Variants in SPAG16 observed in about 807,000 individuals in gnomAD.
SPAG16 encodes sperm-associated antigen 16 protein.
Under a neutral mutation model 80.4 loss-of-function variants are expected in SPAG16, and 86 were observed. That is an observed-to-expected ratio of 1.07 (90% CI 0.90 to 1.28). SPAG16 has a LOEUF of 1.28. Among genes scored for constraint, SPAG16 ranks in the 50% most tolerant of loss-of-function variants. The pLI, the probability that SPAG16 is intolerant of heterozygous loss-of-function variation, is 0.00. For missense variants in SPAG16, 870 were observed against 765.3 expected (o/e 1.14, Z -1.61); for synonymous variants, 294 against 265.9 (o/e 1.11, Z -1.03).
chr2:213,297,111 C>A lies in SPAG16; in HGVS notation c.184-151C>A, dbSNP rs550068642. ...AGGAAGTCAGAAGAAAGCAGTTATTCATTTTTCATGGATCTTCAGAATGAC... is the reference window on the plus strand; with the variant it reads ...AGGAAGTCAGAAGAAAGCAGTTATTAATTTTTCATGGATCTTCAGAATGAC... On this transcript the variant is annotated intron_variant, in intron 2 of 15. Coordinates refer to ENST00000331683, the MANE Select transcript of SPAG16 (RefSeq NM_024532.5). 20 of 1,477,576 alleles carry A rather than the reference C, an allele frequency of 1.4e-5. No individual in the cohort carries two copies. In the South Asian group the frequency reaches 2.2e-4, roughly 17 times the overall value. The allele number at this position is 1,477,576 out of a possible 1,614,324, so 91.5% of individuals were successfully genotyped here.
chr2:213,417,705 A>G (rs544931504), intron 9 of SPAG16, among the ~76,000 whole-genome samples: 1 of 152,300 alleles, frequency 6.6e-6, no homozygotes, highest in East Asian at 1.9e-4. Flanking sequence ...ATAATCCTAC[A>G]TTCTGAAATG....
chr2:214,376,616 A>T (rs893911964), intron 15 of SPAG16, among the ~76,000 whole-genome samples: 5 of 152,194 alleles, frequency 3.3e-5, no homozygotes, highest in Non-Finnish European at 7.4e-5. Context: ...ATCTCTGATT[A>T]AAAAGAGCTT....
intron 8 of SPAG16, among the ~76,000 whole-genome samples, chr2:213,369,488 T>G (rs2066512560): frequency 6.6e-6 from 1 of 152,170 alleles, no homozygotes; most frequent in Non-Finnish European, 1.5e-5. Flanking sequence ...CCTGTTTATA[T>G]TTGTCAAAAC....
chr2:213,321,952 T>C (rs894075501), intron 5 of SPAG16, among the ~76,000 whole-genome samples: 3 of 152,100 alleles, frequency 2.0e-5, no homozygotes, highest in African/African-American at 7.2e-5. Context: ...AAGTCTAAAG[T>C]TGCACTTAAA....
chr2:213,761,053 T>G (rs1575063337), intron 10 of SPAG16, among the ~76,000 whole-genome samples: 1 of 152,306 alleles, frequency 6.6e-6, no homozygotes, highest in South Asian at 2.1e-4. Context: ...AGATTAAGTT[T>G]TCAACATATG....
intron 13 of SPAG16, among the ~76,000 whole-genome samples, chr2:214,050,291 T>TAA (rs35606696): frequency 7.0e-6 from 1 of 143,442 alleles, no homozygotes; most frequent in Non-Finnish European, 1.5e-5. Context: ...GGGCCCCAGC[T>TAA]AAAAAAAAAA....
chr2:213,674,114 G>C (rs1379799586), intron 10 of SPAG16, among the ~76,000 whole-genome samples: 1 of 152,072 alleles, frequency 6.6e-6, no homozygotes, highest in Non-Finnish European at 1.5e-5. Flanking sequence ...TTAATTTGCT[G>C]TGTATTTTAG....
chr2:213,411,254 T>C (rs1222808835), intron 9 of SPAG16, among the ~76,000 whole-genome samples: 2 of 152,230 alleles, frequency 1.3e-5, no homozygotes, highest in African/African-American at 4.8e-5. Flanking sequence ...CTCAAGTCTA[T>C]TTAAACGCAA....
intron 10 of SPAG16, among the ~76,000 whole-genome samples, chr2:213,521,913 G>A (rs530404697): frequency 6.6e-6 from 1 of 152,322 alleles, no homozygotes; most frequent in Admixed American, 6.5e-5. Flanking sequence ...TGCATTTGTG[G>A]TCAACATCAA....
intron 10 of SPAG16, among the ~76,000 whole-genome samples, chr2:213,705,703 A>G (rs1228490791): frequency 6.6e-6 from 1 of 152,182 alleles, no homozygotes; most frequent in Non-Finnish European, 1.5e-5. Context: ...TTAAAGCAAT[A>G]CATTTATCTA....
intron 15 of SPAG16, among the ~76,000 whole-genome samples, chr2:214,223,646 A>C (rs1036274398): frequency 1.3e-4 from 20 of 152,220 alleles, no homozygotes; most frequent in African/African-American, 4.8e-4. Flanking sequence ...TTCTCATCAA[A>C]AGATACTTCT....
At chr2:213,315,639 T>G (rs1365045808) in intron 4 of SPAG16, among the ~76,000 whole-genome samples, 1 of 152,014 alleles carries the variant, frequency 6.6e-6, no homozygotes, top group African/African-American at 2.4e-5. Context: ...CCTCATTTCC[T>G]AGTCTCTCAG....
chr2:213,558,757 A>G (rs1348371688), intron 10 of SPAG16, among the ~76,000 whole-genome samples: 1 of 152,040 alleles, frequency 6.6e-6, no homozygotes, highest in Non-Finnish European at 1.5e-5. Flanking sequence ...CCTTTTTATT[A>G]TGGAAAATTT....
intron 10 of SPAG16, among the ~76,000 whole-genome samples, chr2:213,692,182 A>G (rs949419546): frequency 2.6e-5 from 4 of 152,224 alleles, no homozygotes; most frequent in Admixed American, 6.5e-5. Context: ...GATGAAACCA[A>G]TCATAATGAA....
intron 10 of SPAG16, among the ~76,000 whole-genome samples, chr2:213,771,586 G>A (rs956511287): frequency 6.6e-6 from 1 of 152,092 alleles, no homozygotes; most frequent in Non-Finnish European, 1.5e-5. Flanking sequence ...ATAGTTTTGG[G>A]TTTTACATTT....
At chr2:214,319,225 A>ACACAC (rs1189650614) in intron 15 of SPAG16, among the ~76,000 whole-genome samples, 2 of 20,140 alleles carry the variant, frequency 9.9e-5, no homozygotes, top group African/African-American at 1.7e-4. Context: ...CACACACACA[A>ACACAC]GAAGTGTAGA....
At chr2:213,802,468 T>A (rs2071481058) in intron 10 of SPAG16, among the ~76,000 whole-genome samples, 1 of 152,062 alleles carries the variant, frequency 6.6e-6, no homozygotes, top group Non-Finnish European at 1.5e-5. Context: ...GAGTTCAGTG[T>A]CTTATCATGA....
chr2:213,844,515 C>T (rs2074515696), intron 10 of SPAG16, among the ~76,000 whole-genome samples: 2 of 152,124 alleles, frequency 1.3e-5, no homozygotes, highest in Non-Finnish European at 2.9e-5. Flanking sequence ...TAACATTTCA[C>T]ATAATATTCA....
chr2:213,558,193 C>T (rs1048981284), intron 10 of SPAG16, among the ~76,000 whole-genome samples: 1 of 151,940 alleles, frequency 6.6e-6, no homozygotes, highest in African/African-American at 2.4e-5. Flanking sequence ...GAAAATTAGC[C>T]CCATAGCCAC....
Sources: allele counts gnomAD v4.1 joint callset (sites outside exome capture counted in the v4.1 genomes callset), GRCh38; gene constraint gnomAD v4.1.1; transcripts MANE v1.5; gene names NCBI Gene and HGNC (gene_info 2026-07-23, HGNC 2026-07-21).